Variants in PRKN observed in about 807,000 individuals in gnomAD.
PRKN encodes parkin RBR E3 ubiquitin protein ligase, also known as E3 ubiquitin-protein ligase parkin.
PRKN carries 56 observed loss-of-function variants against 59.5 expected under a neutral mutation model. The ratio of observed to expected loss-of-function variants is 0.94; its 90% confidence interval spans 0.76 to 1.18. PRKN has a LOEUF of 1.18. Among genes scored for constraint, PRKN ranks in the 50% most tolerant of loss-of-function variants. The pLI is 0.00. For synonymous variants in PRKN, 250 were observed against 222.1 expected (o/e 1.13, Z -1.12); for missense variants, 657 against 596.4 (o/e 1.10, Z -1.06).
Position 161,991,616 on chromosome 6 carries a change from C to T in PRKN, c.619-18199G>A, listed in dbSNP as rs541857696. 5.9e-5 allele frequency among the ~76,000 whole-genome samples: 9 copies of T among 152,050 alleles called. No homozygotes were observed. In the South Asian group the frequency reaches 1.0e-3, roughly 18 times the overall value. ...CAGCACTTTGGGAGGCCGAGGCGGG[C>T]GGGTCACCTGAGGTCACGAGTTTGA... On this transcript the variant is annotated intron_variant, in intron 5 of 11. Transcript: ENST00000366898.
intron 2 of PRKN, among the ~76,000 whole-genome samples, chr6:162,335,337 T>G (rs376685062): frequency 2.0e-5 from 3 of 152,170 alleles, no homozygotes; most frequent in African/African-American, 7.2e-5. Context: ...CCACTGCACC[T>G]GACCTGTAGG....
At chr6:162,221,481 C>T (rs1249486014) in intron 3 of PRKN, among the ~76,000 whole-genome samples, 2 of 152,128 alleles carry the variant, frequency 1.3e-5, no homozygotes, top group Admixed American at 1.3e-4. Context: ...AATAAGCATG[C>T]TTTATTCAGT....
intron 5 of PRKN, among the ~76,000 whole-genome samples, chr6:162,005,703 C>T (rs903306914): frequency 9.9e-5 from 15 of 152,108 alleles, no homozygotes; most frequent in African/African-American, 3.4e-4. Context: ...GTTTACTTTT[C>T]CAAGTTAGCT....
intron 9 of PRKN, among the ~76,000 whole-genome samples, chr6:161,506,167 G>A (rs9458290): frequency 0.79 from 118,834 of 149,618 alleles, 47,427 homozygotes; most frequent in Middle Eastern, 0.87. Context: ...AGCATGGAAT[G>A]TTCTTCCATT....
In PRKN at chr6:162,052,586, C is replaced by T. The variant is rs562605301; in HGVS notation, c.618+1505G>A. 6.6e-5 allele frequency among the ~76,000 whole-genome samples: 10 copies of T among 152,276 alleles called. No individual in the cohort carries two copies. The South Asian group carries it at 2.1e-3, about 32-fold the overall frequency. On this transcript the variant is annotated intron_variant, in intron 5 of 11. Transcript: ENST00000366898. ...GCTCCTAGAGGATTTGGGCTACTCTCAGCCCAGTACCCAGGACTACAACTC... is the reference window on the plus strand; with the variant it reads ...GCTCCTAGAGGATTTGGGCTACTCTTAGCCCAGTACCCAGGACTACAACTC...
Position 162,036,926 on chromosome 6 carries a change from T to C in PRKN, c.618+17165A>G, listed in dbSNP as rs552129806. 3.3e-5 allele frequency among the ~76,000 whole-genome samples: 5 copies of C among 152,274 alleles called. No homozygotes were observed. The South Asian group carries it at 1.0e-3, about 32-fold the overall frequency. ...TAAATAATGAAAATGTATTCAAGCT[T>C]CCTAGTAATTGGAGAAAGGCAATTT... On this transcript the variant is annotated intron_variant, in intron 5 of 11. Transcript: ENST00000366898.
chr6:162,354,796 A>G (rs1407256004), intron 2 of PRKN, among the ~76,000 whole-genome samples: 2 of 152,094 alleles, frequency 1.3e-5, no homozygotes, highest in Non-Finnish European at 2.9e-5. Flanking sequence ...ATCAACCATC[A>G]GCAAACCATT....
At chr6:162,709,713 A>C (rs1309710998) in intron 1 of PRKN, among the ~76,000 whole-genome samples, 1 of 152,230 alleles carries the variant, frequency 6.6e-6, no homozygotes, top group Non-Finnish European at 1.5e-5. Context: ...AAAATGTATG[A>C]GAAACGATAC....
chr6:161,426,150 G>A (rs528958593), intron 9 of PRKN, among the ~76,000 whole-genome samples: 14 of 152,256 alleles, frequency 9.2e-5, no homozygotes, highest in South Asian at 4.1e-4. Context: ...AGAGAAAAAC[G>A]GAGATTTGTA....
At chr6:161,913,597 G>A (rs1778447349) in intron 6 of PRKN, among the ~76,000 whole-genome samples, 1 of 152,184 alleles carries the variant, frequency 6.6e-6, no homozygotes, top group African/African-American at 2.4e-5. Flanking sequence ...ACCACTTGTT[G>A]AGAGCAATCA....
At chr6:161,614,276 G>T (rs1037952214) in intron 7 of PRKN, among the ~76,000 whole-genome samples, 3 of 152,148 alleles carry the variant, frequency 2.0e-5, no homozygotes, top group Admixed American at 6.5e-5. Flanking sequence ...CAGAATCTTG[G>T]AGGACCCTCT....
intron 7 of PRKN, among the ~76,000 whole-genome samples, chr6:161,708,965 C>T (rs902557278): frequency 7.2e-5 from 11 of 152,218 alleles, no homozygotes; most frequent in Non-Finnish European, 1.5e-4. Context: ...CTGTGCTGTA[C>T]AGCATGACAG....
intron 1 of PRKN, among the ~76,000 whole-genome samples, chr6:162,611,900 A>C (rs1408709783): frequency 6.6e-6 from 1 of 152,112 alleles, no homozygotes; most frequent in African/African-American, 2.4e-5. Flanking sequence ...TAAAGAAATG[A>C]TACAGCGGGG....
At position 161,447,730 on chromosome 6, in the gene PRKN, T is replaced by A. The variant is rs1789558002; in HGVS notation, c.1084-60853A>T. 6.6e-6 allele frequency among the ~76,000 whole-genome samples: 1 copy of A among 152,184 alleles called. No homozygotes were observed. ...GGATGGTCTCGATCTCCTGACCTCA[T>A]GATCAGCCCGCCTCGGCCTCCCAAT... On this transcript the variant is annotated intron_variant, in intron 9 of 11. Transcript: ENST00000366898. The surrounding 1 kb of genome is among the most constrained non-coding windows in gnomAD (Gnocchi z 4.1).
intron 5 of PRKN, among the ~76,000 whole-genome samples, chr6:161,987,416 T>A (rs1435989839): frequency 2.0e-5 from 3 of 152,138 alleles, no homozygotes; most frequent in African/African-American, 7.2e-5. Context: ...TCCCTCAGTA[T>A]CCAGGAGGGA....
intron 3 of PRKN, among the ~76,000 whole-genome samples, chr6:162,258,026 CG>C (rs1258931012): frequency 6.6e-6 from 1 of 152,138 alleles, no homozygotes; most frequent in Non-Finnish European, 1.5e-5. Context: ...GTTTTCTGGG[CG>C]GGGGCCTGCC....
chr6:161,349,971 A>G lies in PRKN; in HGVS notation c.*128T>C. 3 of 717,860 alleles carry G rather than the reference A, an allele frequency of 4.2e-6. No homozygotes were observed. Among genetic ancestry groups the G allele is most frequent in the Non-Finnish European group, 7.5e-6 (3 of 402,064 alleles). The allele number at this position is 717,860 out of a possible 1,614,324, so 44.5% of individuals were successfully genotyped here. On this transcript the variant is annotated 3_prime_UTR_variant, in exon 12 of 12. Coordinates refer to ENST00000366898, the MANE Select transcript of PRKN (RefSeq NM_004562.3). The surrounding 1 kb of genome is among the most constrained non-coding windows in gnomAD (Gnocchi z 5.5). ...AATTTGGCTGTAGTTGGACTTTGAAAAAAACTTGAAGAGTGTGTGTGCGCG... is the reference window on the plus strand; with the variant it reads ...AATTTGGCTGTAGTTGGACTTTGAAGAAAACTTGAAGAGTGTGTGTGCGCG...
chr6:162,644,616 C>T (rs1024865214), intron 1 of PRKN, among the ~76,000 whole-genome samples: 4 of 152,264 alleles, frequency 2.6e-5, no homozygotes, highest in African/African-American at 4.8e-5. Context: ...CCCATAAATA[C>T]GGTGGTGTAT....
At chr6:162,475,132 TCA>T (rs1237248779) in intron 1 of PRKN, among the ~76,000 whole-genome samples, 1 of 152,228 alleles carries the variant, frequency 6.6e-6, no homozygotes, top group Non-Finnish European at 1.5e-5. Context: ...TGAATAGCTT[TCA>T]GTCTATACGC....
Sources: gnomAD v4.1 joint callset for allele counts (sites outside exome capture counted in the v4.1 genomes callset) on GRCh38, gnomAD v4.1.1 for gene constraint, Gnocchi (gnomAD v3.1) non-coding constraint, MANE v1.5 for transcripts, NCBI Gene and HGNC (gene_info 2026-07-23, HGNC 2026-07-21) for gene names.